FIG4: variants seen among roughly 807,000 people sequenced by gnomAD.
The protein encoded by FIG4 is polyphosphoinositide phosphatase.
FIG4 carries 112 observed loss-of-function variants against 118.6 expected under a neutral mutation model. That is an observed-to-expected ratio of 0.94 (90% CI 0.81 to 1.11). The LOEUF is 1.11. FIG4 is among the 50% of genes least tolerant of loss of function. The pLI is 0.00. For synonymous variants in FIG4, 369 were observed against 381.2 expected, an observed-to-expected ratio of 0.97 and a Z score of 0.37; for missense variants, 969 against 1,111.7, an observed-to-expected ratio of 0.87 and a Z score of 1.83.
intron 22 of FIG4, among the ~76,000 whole-genome samples, chr6:109,803,728 C>T (rs1778488284): frequency 6.6e-6 from 1 of 151,660 alleles, no homozygotes; most frequent in Non-Finnish European, 1.5e-5. Context: ...ATTGACTCAT[C>T]ATTTACATTA....
chr6:109,738,548 C>T, intron 7 of FIG4, 95 bp downstream of exon 7: 1 of 1,155,356 alleles, frequency 8.7e-7, no homozygotes, highest in Non-Finnish European at 1.3e-6. Flanking sequence ...ATTATAATAC[C>T]ACTCTGTGCA....
chr6:109,754,783 G>A (rs1260111418), intron 10 of FIG4, among the ~76,000 whole-genome samples: 2 of 152,126 alleles, frequency 1.3e-5, no homozygotes, highest in Admixed American at 6.5e-5. Context: ...GATCGGTGGT[G>A]ATATCTCCTT....
At chr6:109,705,114 A>G (rs1188106564) in intron 1 of FIG4, among the ~76,000 whole-genome samples, 1 of 152,302 alleles carries the variant, frequency 6.6e-6, no homozygotes, top group South Asian at 2.1e-4. Context: ...ATTGGGAAAA[A>G]AATCAACAGT....
intron 19 of FIG4, 31 bp from the exon 20 acceptor site, chr6:109,791,345 A>G (rs1188589325): frequency 6.3e-7 from 1 of 1,586,448 alleles, no homozygotes; most frequent in African/African-American, 1.3e-5. Context: ...TAGTTTAAAG[A>G]TGCTTCACTT....
chr6:109,704,792 T>C (rs1345770586), intron 1 of FIG4, among the ~76,000 whole-genome samples: 1 of 151,698 alleles, frequency 6.6e-6, no homozygotes, highest in African/African-American at 2.4e-5. Context: ...TAACTTTACA[T>C]AAAGATAGGT....
rs1219429204 is a variant in FIG4, at chr6:109,765,155, C to A, written c.1577C>A (p.Ala526Glu). Reference protein sequence around the residue: ...DKPNLQFDTDAVRLFEELYED... With the variant: ...DKPNLQFDTDEVRLFEELYED... ...CCTAATCTACAGTTTGATACAGATG[C>A]AGTTAGGTAAGTCTTATTTTTTGCT... The change falls in exon 14 of 23, where the codon GCA (alanine) becomes GAA (glutamate). Residue 526 changes from alanine to glutamate, a missense_variant. Physicochemically the swap from Ala to Glu is moderately radical, Grantham distance 107 (BLOSUM62 -1). Transcript: ENST00000230124. The A allele has an allele frequency of 6.2e-7, 1 of 1,613,744 alleles. No individual in the cohort carries two copies. Among genetic ancestry groups the A allele is most frequent in the Non-Finnish European group, 8.5e-7 (1 of 1,179,790 alleles).
In FIG4 at chr6:109,763,103, C is replaced by G. The variant is rs527555376; in HGVS notation, c.1389-834C>G. Among the ~76,000 whole-genome samples the G allele has an allele frequency of 1.1e-3, 169 of 152,320 alleles. 2 individuals are homozygous for G. In the South Asian group the frequency reaches 0.017, roughly 15 times the overall value. ...GCATGTTGGAGACTCTGTTTTTTTA[C>G]TGGAGGCTGGTCACATAGGCAGCCT... On this transcript the variant is annotated intron_variant, in intron 12 of 22. Transcript: ENST00000230124.
rs570192528 is a variant in FIG4, at chr6:109,818,594, C to T, written c.2547-6494C>T. Among the ~76,000 whole-genome samples, 15 of 152,178 alleles carry T rather than the reference C, an allele frequency of 9.9e-5. No individual in the cohort carries two copies. In the South Asian group the frequency reaches 3.1e-3, roughly 32 times the overall value. Reference sequence around the variant, plus strand: ...TTACTGTGCCTAATTTATAAATTACCATGTCATAGGTATGTATGTACAGGA... The same window carrying T: ...TTACTGTGCCTAATTTATAAATTACTATGTCATAGGTATGTATGTACAGGA... On this transcript the variant is annotated intron_variant, in intron 22 of 22. Coordinates refer to ENST00000230124, the MANE Select transcript of FIG4 (RefSeq NM_014845.6).
rs2128396853 is a variant in FIG4 at position 109,789,654 on chromosome 6, T to C, written c.2157T>C (p.Asp719=). The C allele has an allele frequency of 1.2e-6, 2 of 1,613,208 alleles. No individual in the cohort carries two copies. The highest frequency in any genetic ancestry group is 1.7e-6 in the Non-Finnish European group (2 of 1,179,244). Residue 719 remains aspartate (D), a synonymous_variant, in exon 19 of 23, where the codon GAT becomes GAC. Coordinates refer to ENST00000230124, the MANE Select transcript of FIG4 (RefSeq NM_014845.6). ...DPSPFTVRKP[D]ETGKSVLGNK... is the part of the protein sequence containing the mutation. ...GTCCATTTACTGTGCGTAAACCAGATGAAACTGGAAAATCAGTATTGGGGT... is the reference window on the plus strand; with the variant it reads ...GTCCATTTACTGTGCGTAAACCAGACGAAACTGGAAAATCAGTATTGGGGT...
chr6:109,808,596 T>C (rs1172922541), intron 22 of FIG4, among the ~76,000 whole-genome samples: 2 of 152,182 alleles, frequency 1.3e-5, no homozygotes, highest in Non-Finnish European at 2.9e-5. Flanking sequence ...GTGAGCTAAC[T>C]CATTGCTTTT....
intron 10 of FIG4, among the ~76,000 whole-genome samples, chr6:109,757,258 C>T (rs780826729): frequency 1.2e-4 from 19 of 152,160 alleles, no homozygotes; most frequent in Non-Finnish European, 2.5e-4. Context: ...AATTTATTTG[C>T]TCTTCCACTA....
At chr6:109,738,867 T>G (rs978730717) in intron 7 of FIG4, among the ~76,000 whole-genome samples, 2 of 152,088 alleles carry the variant, frequency 1.3e-5, no homozygotes, top group African/African-American at 4.8e-5. Flanking sequence ...GGAAACACTG[T>G]GTGTGTAGAG....
At chr6:109,718,168 CA>C (rs1257587187) in intron 3 of FIG4, among the ~76,000 whole-genome samples, 1 of 152,082 alleles carries the variant, frequency 6.6e-6, no homozygotes, top group African/African-American at 2.4e-5. Context: ...AGGTGCCACA[CA>C]TTTTTAAGCA....
In FIG4 at chr6:109,766,911, T is replaced by C. The variant is rs752859042; in HGVS notation, c.1750+16T>C. The C allele has an allele frequency of 1.2e-6, 2 of 1,608,886 alleles. No homozygotes were observed. Among genetic ancestry groups the C allele is most frequent in the Admixed American group, 3.3e-5 (2 of 60,028 alleles). On this transcript the variant is annotated intron_variant, in intron 15 of 22. Transcript: ENST00000230124. ...GCTTTTTCAGGTAATTCTGAAGTAATAGCTATTTTTAAGACTTACTCTGAA... is the reference window on the plus strand; with the variant it reads ...GCTTTTTCAGGTAATTCTGAAGTAACAGCTATTTTTAAGACTTACTCTGAA...
chr6:109,730,707 T>C (rs1775972159), intron 4 of FIG4, among the ~76,000 whole-genome samples: 1 of 152,140 alleles, frequency 6.6e-6, no homozygotes, highest in Non-Finnish European at 1.5e-5. Flanking sequence ...TAGTGTTGGT[T>C]TTCCAGTTGG....
chr6:109,749,909 T>A (rs1776639270), intron 10 of FIG4, among the ~76,000 whole-genome samples: 1 of 152,222 alleles, frequency 6.6e-6, no homozygotes, highest in Non-Finnish European at 1.5e-5. Context: ...GTTTGGAGAT[T>A]AAGTTGCTGT....
In FIG4 at chr6:109,801,455, G is replaced by A. The variant is rs545659665; in HGVS notation, c.2546+4604G>A. On this transcript the variant is annotated intron_variant, in intron 22 of 22. Transcript: ENST00000230124. ...CCCAGCTACTCGGGAGGCTGAGGCT[G>A]GAGAATTGCCTGAACCCAGGAGGTG... Among the ~76,000 whole-genome samples, 3 of 152,320 alleles carry A rather than the reference G, an allele frequency of 2.0e-5. No homozygotes were observed. In the East Asian group the frequency reaches 5.8e-4, roughly 29 times the overall value.
At chr6:109,808,350 C>CAAAAAAAAAAAAAAAAAAA (rs55948419) in intron 22 of FIG4, among the ~76,000 whole-genome samples, 4 of 67,046 alleles carry the variant, frequency 6.0e-5, no homozygotes, top group African/African-American at 1.2e-4. Context: ...ACACTCACAG[C>CAAAAAAAAAAAAAAAAAAA]AAAAAAAAAA....
At chr6:109,736,750 T>C (rs968616088) in intron 6 of FIG4, among the ~76,000 whole-genome samples, 4 of 152,110 alleles carry the variant, frequency 2.6e-5, no homozygotes, top group Non-Finnish European at 4.4e-5. Flanking sequence ...CTGTGACAGA[T>C]TACCTAGCTT....
Sources: allele counts gnomAD v4.1 joint callset (sites outside exome capture counted in the v4.1 genomes callset), GRCh38; gene constraint gnomAD v4.1.1; transcripts MANE v1.5; gene names NCBI Gene and HGNC (gene_info 2026-07-23, HGNC 2026-07-21).